Variants in RHOU observed in about 807,000 individuals in gnomAD.
RHOU encodes rho-related GTP-binding protein RhoU.
Under a neutral mutation model 12.6 loss-of-function variants are expected in RHOU, and 8 were observed. That is an observed-to-expected ratio of 0.64 (90% CI 0.37 to 1.15). RHOU has a LOEUF of 1.15. RHOU is among the 50% of genes most tolerant of loss of function. The pLI is 0.01. For missense variants in RHOU, 258 were observed against 347.0 expected (o/e 0.74, Z 2.04); for synonymous variants, 161 against 147.4 (o/e 1.09, Z -0.67).
the RHOU span, among the ~76,000 whole-genome samples, chr1:228,680,524 C>T: frequency 6.6e-6 from 1 of 152,302 alleles, no homozygotes; most frequent in South Asian, 2.1e-4. Flanking sequence ...GTAGCTGTAA[C>T]TCAGAAATGC....
At chr1:228,677,503 C>G in the RHOU span, among the ~76,000 whole-genome samples, 1 of 151,080 alleles carries the variant, frequency 6.6e-6, no homozygotes, top group Non-Finnish European at 1.5e-5. Context: ...ACAGTCCCCC[C>G]CTTTTTTTTA....
At chr1:228,647,635 C>T in the RHOU span, among the ~76,000 whole-genome samples, 1 of 152,168 alleles carries the variant, frequency 6.6e-6, no homozygotes, top group African/African-American at 2.4e-5. Context: ...CCTGGTGGAT[C>T]CGGGAGCGGG....
chr1:228,647,745 T>A, the RHOU span, among the ~76,000 whole-genome samples: 360 of 152,250 alleles, frequency 2.4e-3, 3 homozygotes, highest in Middle Eastern at 0.024. Context: ...CCGCCCATCC[T>A]GAATAGTTGT....
the RHOU span, among the ~76,000 whole-genome samples, chr1:228,694,807 A>C: frequency 4.2e-4 from 64 of 152,196 alleles, no homozygotes; most frequent in African/African-American, 1.3e-3. Context: ...CTTTTGATTT[A>C]TATTCTTTTG....
At chr1:228,670,634 C>T in the RHOU span, among the ~76,000 whole-genome samples, 1 of 152,220 alleles carries the variant, frequency 6.6e-6, no homozygotes, top group Non-Finnish European at 1.5e-5. Context: ...CTTCCTACTT[C>T]CTCATTCCCA....
the RHOU span, among the ~76,000 whole-genome samples, chr1:228,659,784 G>C: frequency 6.6e-6 from 1 of 151,878 alleles, no homozygotes; most frequent in Non-Finnish European, 1.5e-5. Flanking sequence ...AGGAGTTCGA[G>C]ACTAGCCTGG....
the RHOU span, among the ~76,000 whole-genome samples, chr1:228,673,783 CAGGT>C: frequency 7.2e-5 from 11 of 152,198 alleles, no homozygotes; most frequent in South Asian, 8.3e-4. Flanking sequence ...TACCTAGTCT[CAGGT>C]AGTTCTTTAT....
the RHOU span, among the ~76,000 whole-genome samples, chr1:228,707,125 TAC>T: frequency 0.02 from 1,486 of 75,668 alleles, 44 homozygotes; most frequent in African/African-American, 0.07. Context: ...TATATATATA[TAC>T]ATATATATAT....
the RHOU span, among the ~76,000 whole-genome samples, chr1:228,702,730 T>C: frequency 6.6e-6 from 1 of 152,178 alleles, no homozygotes; most frequent in African/African-American, 2.4e-5. Context: ...CTGAAGTCAT[T>C]TTTTTATTTT....
chr1:228,715,275 A>G, the RHOU span, among the ~76,000 whole-genome samples: 2 of 152,044 alleles, frequency 1.3e-5, no homozygotes, highest in African/African-American at 2.4e-5. Flanking sequence ...TTAAATAATC[A>G]TATTTCAAAT....
chr1:228,725,897 C>T, the RHOU span, among the ~76,000 whole-genome samples: 1 of 152,122 alleles, frequency 6.6e-6, no homozygotes, highest in Non-Finnish European at 1.5e-5. Flanking sequence ...GATTTCAAAT[C>T]AGCAGGCACA....
the RHOU span, among the ~76,000 whole-genome samples, chr1:228,694,392 G>A: frequency 6.6e-6 from 1 of 152,082 alleles, no homozygotes; most frequent in Non-Finnish European, 1.5e-5. Flanking sequence ...AGGTAAACGT[G>A]TGCCATGGTG....
Position 228,738,763 on chromosome 1 carries a change from TG to T in RHOU, c.321+1034del, listed in dbSNP as rs1374710577. Among the ~76,000 whole-genome samples, 4 of 152,186 alleles carry T rather than the reference TG, an allele frequency of 2.6e-5. No homozygotes were observed. Among genetic ancestry groups the T allele is most frequent in the Non-Finnish European group, 4.4e-5 (3 of 68,032 alleles). ...CCTTGATCTCCAAGGAACACCGGGC[TG>T]GTGCAGGCCATAGCTTGGGAGCACT... On this transcript the variant is annotated intron_variant, in intron 2 of 2. Transcript: ENST00000366691. The surrounding 1 kb of genome is among the most constrained non-coding windows in gnomAD (Gnocchi z 4.2).
chr1:228,702,944 A>G, the RHOU span, among the ~76,000 whole-genome samples: 1 of 152,138 alleles, frequency 6.6e-6, no homozygotes, highest in East Asian at 1.9e-4. Flanking sequence ...CTACTCCACA[A>G]TCTGCCTCCT....
At chr1:228,667,345 T>G in the RHOU span, among the ~76,000 whole-genome samples, 1 of 152,224 alleles carries the variant, frequency 6.6e-6, no homozygotes, top group Non-Finnish European at 1.5e-5. Flanking sequence ...GATCAGTAAC[T>G]GCCTGGTGGC....
At chr1:228,715,001 C>A in the RHOU span, among the ~76,000 whole-genome samples, 2 of 152,016 alleles carry the variant, frequency 1.3e-5, no homozygotes, top group African/African-American at 4.8e-5. Flanking sequence ...CTCAGCCTCC[C>A]AAAGTGCTGG....
At chr1:228,700,840 A>G in the RHOU span, among the ~76,000 whole-genome samples, 1 of 152,148 alleles carries the variant, frequency 6.6e-6, no homozygotes, top group Non-Finnish European at 1.5e-5. Context: ...TAATCCTAGC[A>G]CTTTGGGAGA....
In RHOU at chr1:228,737,653, A is replaced by C. The variant is rs762895399; in HGVS notation, c.263-20A>C. On this transcript the variant is annotated intron_variant, in intron 1 of 2. Transcript: ENST00000366691. This position sits in a 1 kb window ranked among gnomAD's most constrained non-coding sequence, Gnocchi z 4.1. ...GGTTAAAAGACACCTCCTGATTGTC[A>C]TTTTGGTTTTGTTTTTAAGCGGTGG... 6.2e-7 allele frequency: 1 copy of C among 1,613,662 alleles called. No individual in the cohort carries two copies. Among genetic ancestry groups the C allele is most frequent in the Non-Finnish European group, 8.5e-7 (1 of 1,179,596 alleles).
At chr1:228,646,745 G>A in the RHOU span, among the ~76,000 whole-genome samples, 2 of 151,934 alleles carry the variant, frequency 1.3e-5, no homozygotes, top group African/African-American at 2.4e-5. Flanking sequence ...CCCACACACA[G>A]ACACACCCGT....
Sources: gnomAD v4.1 joint callset for allele counts (sites outside exome capture counted in the v4.1 genomes callset) on GRCh38, gnomAD v4.1.1 for gene constraint, Gnocchi (gnomAD v3.1) non-coding constraint, MANE v1.5 for transcripts, NCBI Gene and HGNC (gene_info 2026-07-23, HGNC 2026-07-21) for gene names.